Variants in CCDC73 observed in about 807,000 individuals in gnomAD.
The protein encoded by CCDC73 is coiled-coil domain containing 73.
Under a neutral mutation model 116.5 loss-of-function variants are expected in CCDC73, and 95 were observed. The observed-to-expected ratio is 0.82, with a 90% CI of 0.69 to 0.97. The LOEUF (loss-of-function observed/expected upper bound fraction) is 0.97, where lower values mean the gene tolerates loss of function less well. Among genes scored for constraint, CCDC73 ranks in the 50% least tolerant of loss-of-function variants. The pLI, the probability that CCDC73 is intolerant of heterozygous loss-of-function variation, is 0.00. For missense variants in CCDC73, 1,066 were observed against 1,206.8 expected (o/e 0.88, Z 1.73); for synonymous variants, 398 against 401.3 (o/e 0.99, Z 0.10).
intron 2 of CCDC73, among the ~76,000 whole-genome samples, chr11:32,747,944 G>A (rs540267049): frequency 1.1e-4 from 17 of 152,270 alleles, no homozygotes; most frequent in Admixed American, 7.8e-4. Flanking sequence ...CGCCCTCCAC[G>A]GGCTGCACCC....
At chr11:32,673,892 G>T (rs1287147408) in intron 9 of CCDC73, among the ~76,000 whole-genome samples, 3 of 152,194 alleles carry the variant, frequency 2.0e-5, no homozygotes, top group Non-Finnish European at 4.4e-5. Context: ...GAGGTTACTG[G>T]AACCCCAAAA....
chr11:32,765,081 G>A (rs932057648), intron 1 of CCDC73, among the ~76,000 whole-genome samples: 14 of 152,148 alleles, frequency 9.2e-5, no homozygotes, highest in African/African-American at 3.1e-4. Context: ...AAATATATAT[G>A]CACCCAATAC....
At chr11:32,644,908 C>T (rs1380579219) in intron 12 of CCDC73, among the ~76,000 whole-genome samples, 1 of 152,130 alleles carries the variant, frequency 6.6e-6, no homozygotes, top group African/African-American at 2.4e-5. Context: ...TGAGATTCAT[C>T]CATTTTGTTG....
intron 7 of CCDC73, among the ~76,000 whole-genome samples, chr11:32,677,967 A>AAAAC (rs1439076488): frequency 1.3e-5 from 2 of 149,560 alleles, no homozygotes; most frequent in African/African-American, 4.9e-5. Context: ...AAAAAAAAAA[A>AAAAC]AAAAAAAAAA....
intron 7 of CCDC73, chr11:32,681,906 G>A (rs1465532393): frequency 6.6e-6 from 1 of 151,694 alleles, no homozygotes; most frequent in African/African-American, 2.4e-5. Flanking sequence ...AAATATAAAT[G>A]TTCTGCCAGA....
chr11:32,762,803 C>T (rs112309530), intron 1 of CCDC73, among the ~76,000 whole-genome samples: 4,256 of 152,216 alleles, frequency 0.028, 79 homozygotes, highest in South Asian at 0.037. Context: ...GGTGAGGCAT[C>T]GCCTTACCCA....
intron 2 of CCDC73, among the ~76,000 whole-genome samples, chr11:32,742,543 A>G (rs1167477508): frequency 2.0e-5 from 3 of 152,152 alleles, no homozygotes; most frequent in Non-Finnish European, 2.9e-5. Flanking sequence ...TTCTTTGTAG[A>G]TTCTGGATAT....
At position 32,652,308 on chromosome 11, in the gene CCDC73, A is replaced by C. The variant is rs75423443; in HGVS notation, c.939+815T>G. Among the ~76,000 whole-genome samples the C allele has an allele frequency of 2.8e-5, 4 of 145,292 alleles. 1 individual carries two copies. Among genetic ancestry groups the C allele is most frequent in the East Asian group, 4.0e-4 (2 of 5,052 alleles). ...GACAGAACAAGACTCCATCTCAAAC[A>C]AAAAAAAAAGAAAGAAAGAAAAACA... is the stretch of plus-strand genomic sequence containing the variant. On this transcript the variant is annotated intron_variant, in intron 12 of 17. Coordinates refer to ENST00000335185, the MANE Select transcript of CCDC73 (RefSeq NM_001008391.4).
chr11:32,811,843 C>T, the CCDC73 span, among the ~76,000 whole-genome samples: 2 of 152,196 alleles, frequency 1.3e-5, no homozygotes, highest in South Asian at 2.1e-4. Context: ...TCCAGCATCG[C>T]GATCACATTT....
At chr11:32,785,781 T>C (rs1850622272) in intron 1 of CCDC73, among the ~76,000 whole-genome samples, 1 of 151,846 alleles carries the variant, frequency 6.6e-6, no homozygotes, top group South Asian at 2.1e-4. Flanking sequence ...TATGCATTTT[T>C]GTAGCTTCCT....
intron 17 of CCDC73, among the ~76,000 whole-genome samples, chr11:32,609,642 T>C (rs1303467084): frequency 6.6e-6 from 1 of 152,224 alleles, no homozygotes. Flanking sequence ...ACTCTGCTCC[T>C]GGTACCAATT....
intron 13 of CCDC73, among the ~76,000 whole-genome samples, chr11:32,640,516 A>C (rs1270504334): frequency 6.6e-6 from 1 of 152,188 alleles, no homozygotes; most frequent in African/African-American, 2.4e-5. Context: ...TGGGGATGAA[A>C]AGAAGGTACA....
intron 13 of CCDC73, among the ~76,000 whole-genome samples, chr11:32,638,604 G>A (rs1426534903): frequency 6.6e-6 from 1 of 151,768 alleles, no homozygotes; most frequent in Non-Finnish European, 1.5e-5. Flanking sequence ...TCAGCCTCCC[G>A]AGTAGCTGGA....
chr11:32,664,338 A>G (rs2133274749), intron 9 of CCDC73, among the ~76,000 whole-genome samples: 1 of 152,232 alleles, frequency 6.6e-6, no homozygotes, highest in Admixed American at 6.5e-5. Context: ...TAGGCTATTA[A>G]TTACTACCTC....
intron 6 of CCDC73, among the ~76,000 whole-genome samples, chr11:32,684,004 C>G (rs1008586810): frequency 2.0e-5 from 3 of 152,066 alleles, no homozygotes; most frequent in Non-Finnish European, 2.9e-5. Flanking sequence ...ATCTCACAAT[C>G]CACAGATAAC....
At chr11:32,666,279 C>T (rs1041662916) in intron 9 of CCDC73, among the ~76,000 whole-genome samples, 12 of 152,214 alleles carry the variant, frequency 7.9e-5, no homozygotes, top group East Asian at 1.9e-4. Context: ...CCATTCTCCC[C>T]GTCACTTTCA....
chr11:32,783,547 A>G (rs1442330362), intron 1 of CCDC73, among the ~76,000 whole-genome samples: 1 of 152,236 alleles, frequency 6.6e-6, no homozygotes, highest in African/African-American at 2.4e-5. Flanking sequence ...TCAAAGTGCT[A>G]GCAGATTCAG....
At chr11:32,748,213 T>G (rs1029108089) in intron 2 of CCDC73, among the ~76,000 whole-genome samples, 1 of 152,018 alleles carries the variant, frequency 6.6e-6, no homozygotes, top group Non-Finnish European at 1.5e-5. Context: ...TCCTTTTTTC[T>G]TCCTTCCTGT....
intron 2 of CCDC73, among the ~76,000 whole-genome samples, chr11:32,755,600 TCC>T (rs1277076477): frequency 2.2e-5 from 2 of 92,052 alleles, no homozygotes; most frequent in South Asian, 4.3e-4. Context: ...TATATATATA[TCC>T]ATATATATGT....
Sources: allele counts gnomAD v4.1 joint callset (sites outside exome capture counted in the v4.1 genomes callset), GRCh38; gene constraint gnomAD v4.1.1; transcripts MANE v1.5; gene names NCBI Gene and HGNC (gene_info 2026-07-23, HGNC 2026-07-21).